CFAP161: variants seen among roughly 807,000 people sequenced by gnomAD.
CFAP161 encodes the protein cilia and flagella associated protein 161.
Under a neutral mutation model 29.0 loss-of-function variants are expected in CFAP161, and 25 were observed. That is an observed-to-expected ratio of 0.86 (90% CI 0.63 to 1.20). The LOEUF is 1.20. Among genes scored for constraint, CFAP161 ranks in the 50% most tolerant of loss-of-function variants. The pLI is 0.00. For synonymous variants in CFAP161, 116 were observed against 137.4 expected (o/e 0.84, Z 1.09); for missense variants, 367 against 371.9 (o/e 0.99, Z 0.11).
At chr15:81,106,596 A>G (rs115426968) in intron 1 of CFAP161, among the ~76,000 whole-genome samples, 1,524 of 152,384 alleles carry the variant, frequency 0.01, 29 homozygotes, top group African/African-American at 0.035. Flanking sequence ...CTGAGCCTGG[A>G]GAACACCTTG....
At chr15:81,133,219 ATATATGTATT>A (rs1425304572), upstream of CFAP161, among the ~76,000 whole-genome samples, 744 of 29,270 alleles carry the variant, frequency 0.025, 43 homozygotes, top group Non-Finnish European at 0.048. Flanking sequence ...ATATATATAT[ATATATGTATT>A]TTTTTTTAAA....
upstream of CFAP161, among the ~76,000 whole-genome samples, chr15:81,133,956 T>A (rs1029784652): frequency 1.3e-5 from 2 of 152,220 alleles, no homozygotes; most frequent in African/African-American, 4.8e-5. Context: ...AAGCAAGCCG[T>A]GCTTCCATTT....
intron 1 of CFAP161, among the ~76,000 whole-genome samples, chr15:81,114,825 A>G (rs532451167): frequency 2.2e-4 from 34 of 152,108 alleles, no homozygotes; most frequent in African/African-American, 7.7e-4. Context: ...CACCACGCCC[A>G]GCTAATTTTT....
At chr15:81,100,925 A>T (rs1431793057) in intron 1 of CFAP161, among the ~76,000 whole-genome samples, 1 of 152,184 alleles carries the variant, frequency 6.6e-6, no homozygotes, top group Non-Finnish European at 1.5e-5. Flanking sequence ...CTCCAGGTAG[A>T]GGGCTGGCTG....
upstream of CFAP161, among the ~76,000 whole-genome samples, chr15:81,133,407 G>C (rs577489416): frequency 6.6e-6 from 1 of 151,444 alleles, no homozygotes; most frequent in African/African-American, 2.4e-5. Flanking sequence ...TAAGTAATTC[G>C]TTTTCATGAA....
At chr15:81,116,341 T>C (rs1894497397) in intron 1 of CFAP161, among the ~76,000 whole-genome samples, 1 of 152,254 alleles carries the variant, frequency 6.6e-6, no homozygotes, top group African/African-American at 2.4e-5. Context: ...TTGCCCAGGC[T>C]GGAGTGCAGT....
intron 1 of CFAP161, among the ~76,000 whole-genome samples, chr15:81,109,312 A>C (rs1294409261): frequency 6.6e-6 from 1 of 152,226 alleles, no homozygotes; most frequent in Non-Finnish European, 1.5e-5. Context: ...CTTCAGGATC[A>C]TACTGGCAAA....
chr15:81,134,329 G>C lies in CFAP161; in HGVS notation c.-1G>C. 2 of 1,586,082 alleles carry C rather than the reference G, an allele frequency of 1.3e-6. No individual in the cohort carries two copies. The highest frequency in any genetic ancestry group is 1.7e-6 in the Non-Finnish European group (2 of 1,166,978). The stretch of plus-strand genomic sequence containing the variant: ...GCCCACTTGCTGAACAGCAGGGAGC[G>C]ATGGCGCAGAACGTGTATGGTCCGG... On this transcript the variant is annotated 5_prime_UTR_variant, in exon 1 of 7. Coordinates refer to ENST00000286732, the MANE Select transcript of CFAP161 (RefSeq NM_173528.4).
chr15:81,100,817 A>G (rs201817490), intron 1 of CFAP161, among the ~76,000 whole-genome samples: 1 of 151,624 alleles, frequency 6.6e-6, no homozygotes, highest in Non-Finnish European at 1.5e-5. Context: ...GGATTACAGG[A>G]GTGAGCCACC....
chr15:81,127,054 C>G (rs1007015260), intron 1 of CFAP161, among the ~76,000 whole-genome samples: 5 of 152,186 alleles, frequency 3.3e-5, no homozygotes, highest in African/African-American at 7.2e-5. Context: ...AAAATGTACA[C>G]AAGAACAGGC....
At chr15:81,145,966 G>A (rs2141886444) in intron 5 of CFAP161, among the ~76,000 whole-genome samples, 1 of 152,356 alleles carries the variant, frequency 6.6e-6, no homozygotes, top group Non-Finnish European at 1.5e-5. Flanking sequence ...GGGAGGGCCA[G>A]ACTAGAGTGA....
chr15:81,146,096 T>TTATA (rs1895001069), intron 5 of CFAP161, among the ~76,000 whole-genome samples: 1 of 152,142 alleles, frequency 6.6e-6, no homozygotes, highest in Admixed American at 6.5e-5. Context: ...TCAGATATGA[T>TTATA]TATAGAGTGC....
chr15:81,099,676 T>C (rs1486619047), intron 1 of CFAP161, among the ~76,000 whole-genome samples: 1 of 152,224 alleles, frequency 6.6e-6, no homozygotes, highest in East Asian at 1.9e-4. Flanking sequence ...TCTGTTGAGA[T>C]GAAGCATCCT....
intron 2 of CFAP161, 152 bp from the exon 3 acceptor site, chr15:81,136,364 G>C: frequency 1.5e-6 from 1 of 659,848 alleles, no homozygotes; most frequent in Non-Finnish European, 2.6e-6. Context: ...TGGCAAAGGG[G>C]AAGGGAAAGG....
intron 1 of CFAP161, among the ~76,000 whole-genome samples, chr15:81,101,159 T>C (rs908868607): frequency 1.3e-5 from 2 of 152,166 alleles, no homozygotes; most frequent in African/African-American, 4.8e-5. Context: ...CCCTGACTAA[T>C]CAGGAATAGG....
At chr15:81,101,031 G>C (rs1439539269) in intron 1 of CFAP161, among the ~76,000 whole-genome samples, 1 of 152,118 alleles carries the variant, frequency 6.6e-6, no homozygotes, top group African/African-American at 2.4e-5. Flanking sequence ...GCTTGGTTTT[G>C]TTTTTGATAA....
At chr15:81,137,447 T>C (rs1010511188) in intron 3 of CFAP161, among the ~76,000 whole-genome samples, 2 of 151,990 alleles carry the variant, frequency 1.3e-5, no homozygotes, top group African/African-American at 2.4e-5. Flanking sequence ...ATACAAAAAA[T>C]TAGCTGGGCG....
chr15:81,108,107 T>C (rs1016150592), intron 1 of CFAP161, among the ~76,000 whole-genome samples: 2 of 152,220 alleles, frequency 1.3e-5, no homozygotes, highest in Non-Finnish European at 2.9e-5. Context: ...TACCCTTCTG[T>C]GCACATTCAT....
At position 81,144,921 on chromosome 15, in the gene CFAP161, G is replaced by A. The variant is rs148911873; in HGVS notation, c.636+1101G>A. ...ATTATCACTGTGCGACACTTTCTCC[G>A]GATGCTGGGACCCATGGGACTGGAA... On this transcript the variant is annotated intron_variant, in intron 5 of 6. Transcript: ENST00000286732. Among the ~76,000 whole-genome samples the A allele has an allele frequency of 7.2e-5, 11 of 152,228 alleles. No individual in the cohort carries two copies. The East Asian group carries it at 7.7e-4, about 11-fold the overall frequency.
Sources: allele counts gnomAD v4.1 joint callset (sites outside exome capture counted in the v4.1 genomes callset), GRCh38; gene constraint gnomAD v4.1.1; transcripts MANE v1.5; gene names NCBI Gene and HGNC (gene_info 2026-07-23, HGNC 2026-07-21).